Variants in MLIP observed in about 807,000 individuals in gnomAD.
MLIP encodes the protein muscular LMNA-interacting protein.
Under a neutral mutation model 84.8 loss-of-function variants are expected in MLIP, and 79 were observed. The observed-to-expected ratio is 0.93, with a 90% CI of 0.78 to 1.12. The LOEUF (loss-of-function observed/expected upper bound fraction) is 1.12, where lower values mean the gene tolerates loss of function less well. Ranked by LOEUF, MLIP falls within the 50% of genes most tolerant of loss-of-function variation. The pLI is 0.00. For missense variants in MLIP, 1,257 were observed against 1,160.6 expected (o/e 1.08, Z -1.21); for synonymous variants, 504 against 463.0 (o/e 1.09, Z -1.14).
intron 12 of MLIP, among the ~76,000 whole-genome samples, chr6:54,253,564 GACTT>G (rs1317407987): frequency 1.3e-5 from 2 of 152,124 alleles, no homozygotes; most frequent in African/African-American, 4.8e-5. Context: ...GTACATTAAA[GACTT>G]AATTAACTGA....
chr6:54,078,605 A>G (rs1330376502), intron 1 of MLIP, among the ~76,000 whole-genome samples: 1 of 152,204 alleles, frequency 6.6e-6, no homozygotes, highest in Admixed American at 6.5e-5. Flanking sequence ...AATCATTGCC[A>G]GATTTAGCTA....
intron 12 of MLIP, among the ~76,000 whole-genome samples, chr6:54,256,237 G>A (rs1233361790): frequency 6.6e-6 from 1 of 152,142 alleles, no homozygotes; most frequent in Non-Finnish European, 1.5e-5. Flanking sequence ...AATGTCTGTT[G>A]GAACAAAGGG....
At chr6:54,076,521 G>T (rs948705890) in intron 1 of MLIP, among the ~76,000 whole-genome samples, 4 of 152,218 alleles carry the variant, frequency 2.6e-5, no homozygotes, top group Non-Finnish European at 5.9e-5. Context: ...GGCATTGCAA[G>T]TGGGGTTTAA....
At chr6:54,033,430 C>G (rs1277069909) in intron 1 of MLIP, among the ~76,000 whole-genome samples, 1 of 151,974 alleles carries the variant, frequency 6.6e-6, no homozygotes, top group Non-Finnish European at 1.5e-5. Flanking sequence ...TCTTGCTTGG[C>G]TAATTTTTGT....
intron 10 of MLIP, among the ~76,000 whole-genome samples, chr6:54,198,041 A>G (rs1778420150): frequency 6.6e-6 from 1 of 152,140 alleles, no homozygotes; most frequent in South Asian, 2.1e-4. Flanking sequence ...GAGACAGAAG[A>G]CAAGGCCAAA....
At chr6:54,098,148 C>CTTTTTTTTT (rs5876357) in intron 1 of MLIP, among the ~76,000 whole-genome samples, 4 of 123,856 alleles carry the variant, frequency 3.2e-5, no homozygotes, top group East Asian at 2.2e-4. Context: ...ATTTTTCTTT[C>CTTTTTTTTT]TTTTTTTTTT....
Position 54,160,741 on chromosome 6 carries a change from AT to A in MLIP, c.2443del (p.Ser815LeufsTer49). 1 of 1,574,018 alleles carries A rather than the reference AT, an allele frequency of 6.4e-7. No homozygotes were observed. Among genetic ancestry groups the A allele is most frequent in the African/African-American group, 1.4e-5 (1 of 72,226 alleles). ...DKVLQDSLSM[H>X]SSDSPSRSPK... ...TTCCTTCCTTTCTTTTTTTTTCAGCATTCTTCTGATTCTCCTTCAAGGTCCC... is the reference window on the plus strand; with the variant it reads ...TTCCTTCCTTTCTTTTTTTTTCAGCATCTTCTGATTCTCCTTCAAGGTCCC... On this transcript the variant is annotated frameshift_variant and splice_region_variant, in exon 8 of 14. Coordinates refer to ENST00000502396, the MANE Select transcript of MLIP (RefSeq NM_001281747.2). LOFTEE classifies it high-confidence loss of function.
intron 1 of MLIP, among the ~76,000 whole-genome samples, chr6:54,053,083 T>A (rs958093683): frequency 4.6e-5 from 7 of 152,184 alleles, no homozygotes; most frequent in Admixed American, 6.5e-5. Context: ...CCCCATTTTA[T>A]AATGAAAGGA....
chr6:54,127,137 C>T (rs879275673), intron 3 of MLIP, among the ~76,000 whole-genome samples: 6 of 152,148 alleles, frequency 3.9e-5, no homozygotes, highest in Non-Finnish European at 8.8e-5. Flanking sequence ...GTTCAAGTAG[C>T]ATCTCCTCTT....
intron 11 of MLIP, among the ~76,000 whole-genome samples, chr6:54,214,241 T>A (rs1461712405): frequency 5.3e-5 from 8 of 152,210 alleles, no homozygotes; most frequent in Non-Finnish European, 1.2e-4. Context: ...CCTCTTTTTG[T>A]AAAAGGCTTT....
rs1227387591 is a variant in MLIP, at chr6:54,138,147, G to A, written c.2078G>A (p.Gly693Glu). ...AGTGGTACCTTGCCTTCAAGACTTG[G>A]GAAATCTGAAAGCACCACCCCCAAC... ...CGSGTLPSRL[G>E]KSESTTPNHR... The change falls in exon 4 of 14, where the codon GGG becomes GAG. Residue 693 changes from glycine to glutamate, a missense_variant. Coordinates refer to ENST00000502396, the MANE Select transcript of MLIP (RefSeq NM_001281747.2). The A allele has an allele frequency of 6.5e-7, 1 of 1,536,016 alleles. No homozygotes were observed.
chr6:54,190,801 T>C (rs1428107967), intron 10 of MLIP, among the ~76,000 whole-genome samples: 2 of 150,988 alleles, frequency 1.3e-5, no homozygotes, highest in Non-Finnish European at 3.0e-5. Context: ...ATTTTCTTTT[T>C]TTTTTTTTTT....
intron 1 of MLIP, among the ~76,000 whole-genome samples, chr6:54,066,148 C>G (rs1766218014): frequency 1.0e-5 from 1 of 98,746 alleles, no homozygotes; most frequent in Non-Finnish European, 2.9e-5. Flanking sequence ...TTATAAATGT[C>G]TGTTCATTAA....
intron 12 of MLIP, among the ~76,000 whole-genome samples, chr6:54,241,920 A>G (rs969945611): frequency 6.6e-6 from 1 of 152,216 alleles, no homozygotes; most frequent in Non-Finnish European, 1.5e-5. Flanking sequence ...TCCACTTATA[A>G]TAAGGCAAGG....
intron 1 of MLIP, among the ~76,000 whole-genome samples, chr6:54,117,211 CTTTTTTTTT>C (rs200691416): frequency 4.2e-5 from 5 of 117,826 alleles, no homozygotes; most frequent in Admixed American, 1.7e-4. Context: ...CTATTTCTGT[CTTTTTTTTT>C]TTTTTTTTTT....
At chr6:54,154,850 C>G (rs1773850292) in intron 5 of MLIP, among the ~76,000 whole-genome samples, 2 of 152,032 alleles carry the variant, frequency 1.3e-5, no homozygotes, top group African/African-American at 4.8e-5. Flanking sequence ...AGCTCAATTC[C>G]TTGAGCTACT....
rs564061714 is a variant in MLIP at position 54,238,368 on chromosome 6, A to AAGTC, written c.2922+7453_2922+7456dup. ...ATTTCCAAGGTAAACCTCTCTTTTT[A>AAGTC]AGTCACCCTAAAATTCCAATTCTTC... On this transcript the variant is annotated intron_variant, in intron 12 of 13. Transcript: ENST00000502396. Among the ~76,000 whole-genome samples the AAGTC allele has an allele frequency of 5.3e-5, 8 of 152,236 alleles. No individual in the cohort carries two copies. The East Asian group carries it at 1.3e-3, about 26-fold the overall frequency.
At chr6:54,150,433 A>G (rs2150526578) in intron 5 of MLIP, among the ~76,000 whole-genome samples, 1 of 152,258 alleles carries the variant, frequency 6.6e-6, no homozygotes, top group Non-Finnish European at 1.5e-5. Flanking sequence ...CTCTGGGGCC[A>G]TAATGGTGGG....
chr6:54,189,527 T>C (rs996156636), intron 9 of MLIP, among the ~76,000 whole-genome samples: 1 of 152,176 alleles, frequency 6.6e-6, no homozygotes, highest in African/African-American at 2.4e-5. Flanking sequence ...TTGATTAAAA[T>C]GTGAAGAATA....
Sources: gnomAD v4.1 joint callset for allele counts (sites outside exome capture counted in the v4.1 genomes callset) on GRCh38, gnomAD v4.1.1 for gene constraint, MANE v1.5 for transcripts, NCBI Gene and HGNC (gene_info 2026-07-23, HGNC 2026-07-21) for gene names.